The following POU6F2 variants were observed in gnomAD, a reference collection of about 807,000 sequenced individuals.
POU6F2 encodes POU class 6 homeobox 2.
Under a neutral mutation model 71.3 loss-of-function variants are expected in POU6F2, and 31 were observed. The ratio of observed to expected loss-of-function variants is 0.43; its 90% confidence interval spans 0.33 to 0.59. POU6F2 has a LOEUF of 0.59. Among genes scored for constraint, POU6F2 ranks in the 20% least tolerant of loss-of-function variants. The pLI is 0.04. For synonymous variants in POU6F2, 347 were observed against 355.7 expected (o/e 0.98, Z 0.27); for missense variants, 783 against 856.8 (o/e 0.91, Z 1.07).
intron 2 of POU6F2, among the ~76,000 whole-genome samples, chr7:39,122,345 A>C (rs1562713928): frequency 1.3e-5 from 2 of 152,240 alleles, no homozygotes. Flanking sequence ...GCCAGCTCTC[A>C]AAAGCTAGCT....
rs530742135 is a variant in POU6F2, at chr7:39,358,143, TACGA to T, written c.972+18130_972+18133del. ...TGACCACTGACTGGATATCTGATGA[TACGA>T]AAGAATTATTTTTAATATTTTTTGG... On this transcript the variant is annotated intron_variant, in intron 5 of 9. Transcript: ENST00000518318. Among the ~76,000 whole-genome samples, 225 of 152,348 alleles carry T rather than the reference TACGA, an allele frequency of 1.5e-3. 4 individuals carry two copies. Among genetic ancestry groups the T allele is most frequent in the Admixed American group, 9.9e-3 (151 of 15,306 alleles).
intron 1 of POU6F2, among the ~76,000 whole-genome samples, chr7:38,988,226 C>T (rs1452521678): frequency 2.0e-5 from 3 of 151,960 alleles, no homozygotes; most frequent in Non-Finnish European, 4.4e-5. Context: ...TCACTGTTTC[C>T]CTCTGCCTGC....
intron 2 of POU6F2, among the ~76,000 whole-genome samples, chr7:39,170,710 A>G (rs1187015647): frequency 2.6e-5 from 4 of 152,082 alleles, no homozygotes. Flanking sequence ...TTTATTATAT[A>G]TTTCAAAGTA....
intron 5 of POU6F2, among the ~76,000 whole-genome samples, chr7:39,353,651 G>A (rs531248451): frequency 6.6e-6 from 1 of 152,282 alleles, no homozygotes; most frequent in South Asian, 2.1e-4. Context: ...TGCCTGGGAC[G>A]TTTTGAGAGA....
intron 5 of POU6F2, among the ~76,000 whole-genome samples, chr7:39,385,046 A>G (rs1349726091): frequency 2.0e-5 from 3 of 152,230 alleles, no homozygotes; most frequent in African/African-American, 7.2e-5. Flanking sequence ...ATCTGAGAGA[A>G]CTTATAATCA....
At chr7:39,204,086 C>G (rs1483713604) in intron 2 of POU6F2, 149 bp from the exon 3 acceptor site, 7 of 703,302 alleles carry the variant, frequency 1.0e-5, no homozygotes, top group African/African-American at 1.8e-5. Flanking sequence ...CTGAATGTCT[C>G]TCATCATTAT....
intron 2 of POU6F2, among the ~76,000 whole-genome samples, chr7:39,134,584 A>T (rs1295681029): frequency 6.6e-6 from 1 of 152,190 alleles, no homozygotes; most frequent in Non-Finnish European, 1.5e-5. Context: ...ACTTTTGATG[A>T]CTACTTGTAT....
chr7:39,330,665 CA>C (rs1464940977), intron 4 of POU6F2, among the ~76,000 whole-genome samples: 1 of 152,234 alleles, frequency 6.6e-6, no homozygotes, highest in Non-Finnish European at 1.5e-5. Context: ...ACCAAATGCT[CA>C]AAATCACACC....
intron 5 of POU6F2, among the ~76,000 whole-genome samples, chr7:39,359,647 C>T (rs1786333675): frequency 6.6e-6 from 1 of 151,962 alleles, no homozygotes; most frequent in African/African-American, 2.4e-5. Flanking sequence ...TTTTAGATTC[C>T]AGATGCTTTC....
chr7:39,238,998 G>A (rs1229249676), intron 4 of POU6F2, among the ~76,000 whole-genome samples: 3 of 152,148 alleles, frequency 2.0e-5, no homozygotes, highest in Non-Finnish European at 4.4e-5. Context: ...AGTCAGAGTA[G>A]GGAGGGAAAC....
chr7:39,059,154 C>T (rs977296483), intron 1 of POU6F2, among the ~76,000 whole-genome samples: 1 of 152,126 alleles, frequency 6.6e-6, no homozygotes, highest in Admixed American at 6.5e-5. Context: ...ATAACGACTT[C>T]TCAGAGGTGT....
intron 2 of POU6F2, among the ~76,000 whole-genome samples, chr7:39,201,366 A>G (rs1358871574): frequency 1.3e-5 from 2 of 152,244 alleles, no homozygotes; most frequent in Non-Finnish European, 2.9e-5. Context: ...GAATTTGCCA[A>G]TAAGCTAATA....
At chr7:39,420,021 T>C (rs926262412) in intron 6 of POU6F2, among the ~76,000 whole-genome samples, 1 of 152,268 alleles carries the variant, frequency 6.6e-6, no homozygotes, top group Admixed American at 6.5e-5. Context: ...TTAACAACTG[T>C]TGATTTCCTC....
chr7:39,377,960 C>G (rs2115781519), intron 5 of POU6F2, among the ~76,000 whole-genome samples: 1 of 152,312 alleles, frequency 6.6e-6, no homozygotes, highest in South Asian at 2.1e-4. Context: ...CCTTCTCCCT[C>G]TTGCTTGGAG....
At chr7:39,095,960 C>G (rs368619218) in intron 2 of POU6F2, among the ~76,000 whole-genome samples, 1 of 152,100 alleles carries the variant, frequency 6.6e-6, no homozygotes, top group African/African-American at 2.4e-5. Flanking sequence ...CATGCATTTC[C>G]TTTATGGAAT....
chr7:39,027,172 T>G (rs1562676238), intron 1 of POU6F2, among the ~76,000 whole-genome samples: 1 of 152,300 alleles, frequency 6.6e-6, no homozygotes, highest in East Asian at 1.9e-4. Context: ...CAGGGTGTTT[T>G]GAGCAATCTG....
intron 5 of POU6F2, among the ~76,000 whole-genome samples, chr7:39,354,645 A>G (rs1397318243): frequency 6.6e-6 from 1 of 152,184 alleles, no homozygotes; most frequent in East Asian, 1.9e-4. Context: ...ATCTCCTTGA[A>G]TCTCACTGTA....
intron 4 of POU6F2, among the ~76,000 whole-genome samples, chr7:39,284,949 C>T (rs1054979467): frequency 6.6e-6 from 1 of 152,162 alleles, no homozygotes; most frequent in African/African-American, 2.4e-5. Context: ...GTAGGATCCA[C>T]AAGAAGGCTG....
At chr7:39,461,842 A>C (rs960164769) in intron 9 of POU6F2, among the ~76,000 whole-genome samples, 2 of 152,206 alleles carry the variant, frequency 1.3e-5, no homozygotes, top group Admixed American at 6.5e-5. Flanking sequence ...TATTCAGTCT[A>C]TACAAGGATA....
Sources: gnomAD v4.1 joint callset for allele counts (sites outside exome capture counted in the v4.1 genomes callset) on GRCh38, gnomAD v4.1.1 for gene constraint, MANE v1.5 for transcripts, NCBI Gene and HGNC (gene_info 2026-07-23, HGNC 2026-07-21) for gene names.